Variants in ZYG11B observed in about 807,000 individuals in gnomAD.
The protein encoded by ZYG11B is zyg-11 family member B, cell cycle regulator, also known as protein zyg-11 homolog B.
A neutral mutation model predicts 82.4 loss-of-function variants in ZYG11B; 36 were observed. The observed-to-expected ratio is 0.44, with a 90% CI of 0.33 to 0.58. The LOEUF is 0.58. ZYG11B is among the 20% of genes least tolerant of loss of function. The probability of loss-of-function intolerance (pLI) is 0.02; values close to 1 mark genes in which losing one functional copy is unlikely to be tolerated. For missense variants in ZYG11B, 552 were observed against 895.6 expected (o/e 0.62, Z 4.90); for synonymous variants, 303 against 312.8 (o/e 0.97, Z 0.33).
chr1:52,735,036 CTT>C (rs781624927), intron 1 of ZYG11B, among the ~76,000 whole-genome samples: 2 of 138,920 alleles, frequency 1.4e-5, no homozygotes, highest in African/African-American at 5.3e-5. Context: ...GTCCAAATCA[CTT>C]TTTTTTTTTT....
chr1:52,783,745 C>T (rs983669461), intron 4 of ZYG11B, among the ~76,000 whole-genome samples: 2 of 143,730 alleles, frequency 1.4e-5, no homozygotes, highest in African/African-American at 5.0e-5. Flanking sequence ...ACCTCAGCCT[C>T]CCAAGTAGAT....
rs1644840439 is a variant in ZYG11B at position 52,779,820 on chromosome 1, GAA to G, written c.952-32_952-31del. 18 of 1,609,968 alleles carry G rather than the reference GAA, an allele frequency of 1.1e-5. No individual in the cohort carries two copies. In the East Asian group the frequency reaches 4.0e-4, roughly 36 times the overall value. ...TGATAATTAGATAGAGAAAGAGAGA[GAA>G]TTCTAAAAGCTAATCTGGTTATGTT... is the stretch of plus-strand genomic sequence containing the variant. On this transcript the variant is annotated intron_variant, in intron 3 of 13. Coordinates refer to ENST00000294353, the MANE Select transcript of ZYG11B (RefSeq NM_024646.3).
At chr1:52,757,127 A>G (rs936919658) in intron 2 of ZYG11B, among the ~76,000 whole-genome samples, 1 of 151,320 alleles carries the variant, frequency 6.6e-6, no homozygotes, top group African/African-American at 2.4e-5. Flanking sequence ...GGCTCATGTG[A>G]TCCTCCTGGT....
At chr1:52,799,379 C>T (rs1159015700) in intron 8 of ZYG11B, among the ~76,000 whole-genome samples, 2 of 150,288 alleles carry the variant, frequency 1.3e-5, no homozygotes, top group East Asian at 2.0e-4. Context: ...CCCAGCTACT[C>T]GGGAGGCTGA....
At chr1:52,767,515 A>C (rs1341220805) in intron 2 of ZYG11B, among the ~76,000 whole-genome samples, 1 of 151,906 alleles carries the variant, frequency 6.6e-6, no homozygotes, top group Middle Eastern at 3.2e-3. Flanking sequence ...ATGTTGGCCA[A>C]GATGGTCTCG....
At chr1:52,755,478 T>G (rs1292262702) in intron 1 of ZYG11B, among the ~76,000 whole-genome samples, 1 of 152,156 alleles carries the variant, frequency 6.6e-6, no homozygotes, top group African/African-American at 2.4e-5. Context: ...TGCATTTCCA[T>G]ATGAATCTTA....
intron 5 of ZYG11B, among the ~76,000 whole-genome samples, chr1:52,788,190 A>T (rs1198284385): frequency 2.0e-5 from 3 of 152,144 alleles, no homozygotes. Context: ...CCAGCATAGG[A>T]AAGTTTGATT....
intron 6 of ZYG11B, 65 bp from the exon 7 acceptor site, chr1:52,796,227 C>T: frequency 8.1e-7 from 1 of 1,231,628 alleles, no homozygotes; most frequent in Non-Finnish European, 1.2e-6. Flanking sequence ...CAGTTCCTAG[C>T]TGGAACTCTG....
intron 4 of ZYG11B, among the ~76,000 whole-genome samples, chr1:52,780,510 A>G (rs570374859): frequency 3.3e-5 from 5 of 152,298 alleles, no homozygotes; most frequent in South Asian, 2.1e-4. Context: ...AAATAAAAAA[A>G]AGAGAGAAGT....
chr1:52,796,804 C>T lies in ZYG11B; in HGVS notation c.1485+20C>T. On this transcript the variant is annotated intron_variant, in intron 8 of 13. Coordinates refer to ENST00000294353, the MANE Select transcript of ZYG11B (RefSeq NM_024646.3). ...GTCAGGGTAAGTCTATAATCTCCTC[C>T]ATTCAGGCCACTAGATATTCATGTT... The T allele has an allele frequency of 6.9e-7, 1 of 1,453,274 alleles. No individual in the cohort carries two copies. Among genetic ancestry groups the T allele is most frequent in the Non-Finnish European group, 9.1e-7 (1 of 1,099,922 alleles). 90.0% of individuals were successfully genotyped at this position (1,453,274 alleles called of 1,614,324 possible).
At chr1:52,742,921 G>A (rs1447458923) in intron 1 of ZYG11B, among the ~76,000 whole-genome samples, 1 of 150,616 alleles carries the variant, frequency 6.6e-6, no homozygotes, top group Admixed American at 6.6e-5. Flanking sequence ...CAGCCGCCCC[G>A]TCCGGGAGGG....
intron 13 of ZYG11B, among the ~76,000 whole-genome samples, chr1:52,819,512 G>A (rs1260805106): frequency 6.6e-6 from 1 of 152,008 alleles, no homozygotes; most frequent in Non-Finnish European, 1.5e-5. Flanking sequence ...TTTTGGCTGG[G>A]CATGGTGGCT....
At chr1:52,744,022 C>T (rs1462414674) in intron 1 of ZYG11B, among the ~76,000 whole-genome samples, 2 of 152,016 alleles carry the variant, frequency 1.3e-5, no homozygotes, top group African/African-American at 2.4e-5. Flanking sequence ...CTGCAACCTC[C>T]GCCTCCTGGG....
At chr1:52,776,229 A>AAAAAAATATATATATATATAT in intron 3 of ZYG11B, among the ~76,000 whole-genome samples, 2 of 23,544 alleles carry the variant, frequency 8.5e-5, no homozygotes, top group South Asian at 2.4e-3. Context: ...TAAAAAAAAA[A>AAAAAAATATATATATATATAT]ATATATATAT....
chr1:52,806,585 A>G (rs1339684307), intron 10 of ZYG11B, among the ~76,000 whole-genome samples: 1 of 152,196 alleles, frequency 6.6e-6, no homozygotes, highest in Non-Finnish European at 1.5e-5. Context: ...TACCCCTGCT[A>G]ATATCCTCTA....
chr1:52,786,072 G>A (rs1415393492), intron 5 of ZYG11B, among the ~76,000 whole-genome samples: 1 of 152,106 alleles, frequency 6.6e-6, no homozygotes, highest in Non-Finnish European at 1.5e-5. Flanking sequence ...AAAGTAGAAG[G>A]AAGGAATAAC....
At chr1:52,808,723 G>T (rs1381137735) in intron 10 of ZYG11B, among the ~76,000 whole-genome samples, 1 of 152,110 alleles carries the variant, frequency 6.6e-6, no homozygotes, top group Non-Finnish European at 1.5e-5. Flanking sequence ...CTTTGGAGAC[G>T]CTAATTTGCA....
chr1:52,779,927 G>T lies in ZYG11B; in HGVS notation c.1026G>T (p.Arg342=), dbSNP rs747556727. The T allele has an allele frequency of 6.2e-7, 1 of 1,614,104 alleles. No individual in the cohort carries two copies. Among genetic ancestry groups the T allele is most frequent in the Non-Finnish European group, 8.5e-7 (1 of 1,180,016 alleles). The change falls in exon 4 of 14, where the codon CGG becomes CGT. Residue 342 remains arginine, a synonymous_variant. Coordinates refer to ENST00000294353, the MANE Select transcript of ZYG11B (RefSeq NM_024646.3). Reference sequence around the variant, plus strand: ...ACAGTGAACGGGCATTCTTTGTTCGGGAAGCTCTATTTCATCTTTTTAGTC... The same window carrying T: ...ACAGTGAACGGGCATTCTTTGTTCGTGAAGCTCTATTTCATCTTTTTAGTC... ...KRYSERAFFV[R]EALFHLFSLT... is the part of the protein sequence containing the mutation.
chr1:52,768,168 C>G (rs1233951039), intron 2 of ZYG11B, among the ~76,000 whole-genome samples: 1 of 152,140 alleles, frequency 6.6e-6, no homozygotes, highest in Non-Finnish European at 1.5e-5. Context: ...TCCTGTCTTA[C>G]TAGTTGCTGC....
Sources: allele counts gnomAD v4.1 joint callset (sites outside exome capture counted in the v4.1 genomes callset), GRCh38; gene constraint gnomAD v4.1.1; transcripts MANE v1.5; gene names NCBI Gene and HGNC (gene_info 2026-07-23, HGNC 2026-07-21).